DLGAP2: variants seen among roughly 807,000 people sequenced by gnomAD.
DLGAP2 encodes disks large-associated protein 2.
In DLGAP2, 26 loss-of-function variants were observed where a neutral mutation model predicts 100.3. The observed-to-expected ratio is 0.26, with a 90% confidence interval of 0.19 to 0.36. DLGAP2 has a LOEUF of 0.36. Among genes scored for constraint, DLGAP2 ranks in the 10% least tolerant of loss-of-function variants. The pLI, the probability that DLGAP2 is intolerant of heterozygous loss-of-function variation, is 1.00. For missense variants in DLGAP2, 1,858 were observed against 1,453.2 expected (o/e 1.28, Z -4.53); for synonymous variants, 886 against 630.1 (o/e 1.41, Z -6.08).
chr8:1,358,174 G>A (rs1348922889), intron 3 of DLGAP2, among the ~76,000 whole-genome samples: 2 of 152,178 alleles, frequency 1.3e-5, no homozygotes, highest in Admixed American at 6.5e-5. Flanking sequence ...AGCTTTGTAG[G>A]TGAAAAGTTA....
chr8:1,583,758 C>T (rs935141841), intron 6 of DLGAP2, among the ~76,000 whole-genome samples: 22 of 152,110 alleles, frequency 1.4e-4, no homozygotes, highest in African/African-American at 5.1e-4. Flanking sequence ...CCTCTCACAT[C>T]AAAGGCTGAT....
intron 4 of DLGAP2, among the ~76,000 whole-genome samples, chr8:1,515,149 A>T (rs1800320905): frequency 6.6e-6 from 1 of 152,080 alleles, no homozygotes. Context: ...GAAGGAGGAG[A>T]CATGGAAGGC....
intron 3 of DLGAP2, among the ~76,000 whole-genome samples, chr8:1,446,905 G>C (rs1173901032): frequency 6.6e-6 from 1 of 152,132 alleles, no homozygotes; most frequent in Non-Finnish European, 1.5e-5. Context: ...CCTGTTATTG[G>C]TGTATAAGAA....
chr8:1,535,835 C>G (rs996520714), intron 4 of DLGAP2, among the ~76,000 whole-genome samples: 1 of 152,160 alleles, frequency 6.6e-6, no homozygotes, highest in Non-Finnish European at 1.5e-5. Flanking sequence ...GTGGGCTGCC[C>G]TGTGCCGGCT....
intron 6 of DLGAP2, among the ~76,000 whole-genome samples, chr8:1,589,245 C>G (rs1374406356): frequency 6.6e-6 from 1 of 152,212 alleles, no homozygotes; most frequent in Non-Finnish European, 1.5e-5. Flanking sequence ...CCCTAGCAAC[C>G]TATAAGTACA....
chr8:1,124,320 C>T (rs905411794), intron 2 of DLGAP2, among the ~76,000 whole-genome samples: 3 of 152,172 alleles, frequency 2.0e-5, no homozygotes. Context: ...AGAAGGGTTT[C>T]CACTTCCAGA....
intron 6 of DLGAP2, among the ~76,000 whole-genome samples, chr8:1,575,429 A>G (rs1396295784): frequency 6.8e-6 from 1 of 147,390 alleles, no homozygotes; most frequent in African/African-American, 2.5e-5. Context: ...CAAAAGAACC[A>G]CCCTCCGTGA....
At chr8:1,284,098 C>G (rs1799874846) in intron 3 of DLGAP2, among the ~76,000 whole-genome samples, 1 of 152,186 alleles carries the variant, frequency 6.6e-6, no homozygotes, top group African/African-American at 2.4e-5. Context: ...TTGCCCTGTC[C>G]TTAGAGCAGC....
chr8:1,588,172 G>A (rs905523847), intron 6 of DLGAP2, among the ~76,000 whole-genome samples: 2 of 152,130 alleles, frequency 1.3e-5, no homozygotes, highest in African/African-American at 2.4e-5. Flanking sequence ...GCAGCAGCAC[G>A]GATAGTTCAG....
At chr8:1,577,885 G>A (rs892284994) in intron 6 of DLGAP2, among the ~76,000 whole-genome samples, 5 of 152,222 alleles carry the variant, frequency 3.3e-5, no homozygotes, top group African/African-American at 9.6e-5. Context: ...GCCCCGCCCG[G>A]TGCCTCCGAG....
chr8:1,080,609 A>T (rs554133791), intron 2 of DLGAP2, among the ~76,000 whole-genome samples: 12 of 152,042 alleles, frequency 7.9e-5, no homozygotes, highest in Admixed American at 7.9e-4. Context: ...TGAGTAAGGG[A>T]CTCATCAGGC....
chr8:863,684 G>T (rs1350110785), intron 1 of DLGAP2, among the ~76,000 whole-genome samples: 1 of 152,164 alleles, frequency 6.6e-6, no homozygotes, highest in East Asian at 1.9e-4. Flanking sequence ...GCTGTCCCCT[G>T]GCCCCTGTTC....
At chr8:1,026,573 C>T (rs1801806638) in intron 2 of DLGAP2, among the ~76,000 whole-genome samples, 1 of 152,144 alleles carries the variant, frequency 6.6e-6, no homozygotes, top group South Asian at 2.1e-4. Flanking sequence ...AGAACATTTT[C>T]TTAATTTGTC....
At chr8:936,866 T>C (rs1799084122) in intron 2 of DLGAP2, among the ~76,000 whole-genome samples, 1 of 152,292 alleles carries the variant, frequency 6.6e-6, no homozygotes, top group African/African-American at 2.4e-5. Context: ...TTTCCAGCAG[T>C]GTAGGAGAAG....
chr8:1,598,927 C>A (rs1796540685), intron 6 of DLGAP2, among the ~76,000 whole-genome samples: 1 of 152,044 alleles, frequency 6.6e-6, no homozygotes, highest in African/African-American at 2.4e-5. Context: ...TTTGTTTGCT[C>A]TTGCTTCTCT....
At chr8:1,288,054 G>GT (rs1799980669) in intron 3 of DLGAP2, among the ~76,000 whole-genome samples, 1 of 124,422 alleles carries the variant, frequency 8.0e-6, no homozygotes, top group East Asian at 2.5e-4. Flanking sequence ...GTGTGTGTAT[G>GT]GTTCTGTTAG....
At chr8:931,200 T>C (rs1251485782) in intron 2 of DLGAP2, among the ~76,000 whole-genome samples, 1 of 152,166 alleles carries the variant, frequency 6.6e-6, no homozygotes, top group Non-Finnish European at 1.5e-5. Flanking sequence ...ATCTTGGTCC[T>C]GGGACAGGCG....
intron 2 of DLGAP2, among the ~76,000 whole-genome samples, chr8:1,193,781 C>A (rs1466902473): frequency 6.6e-6 from 1 of 151,912 alleles, no homozygotes; most frequent in Non-Finnish European, 1.5e-5. Context: ...GCCTCTAGAG[C>A]CTCCGCACCA....
intron 1 of DLGAP2, among the ~76,000 whole-genome samples, chr8:823,950 T>C (rs1192429311): frequency 6.6e-6 from 1 of 152,196 alleles, no homozygotes; most frequent in African/African-American, 2.4e-5. Flanking sequence ...CCACTTAGCT[T>C]TATCCCAAAG....
Sources: allele counts gnomAD v4.1 joint callset (sites outside exome capture counted in the v4.1 genomes callset), GRCh38; gene constraint gnomAD v4.1.1; transcripts MANE v1.5; gene names NCBI Gene and HGNC (gene_info 2026-07-23, HGNC 2026-07-21).